Variants in SKAP1 observed in about 807,000 individuals in gnomAD.
SKAP1 encodes src kinase-associated phosphoprotein 1.
Under a neutral mutation model 58.5 loss-of-function variants are expected in SKAP1, and 44 were observed. The observed-to-expected ratio is 0.75, with a 90% confidence interval of 0.59 to 0.97. The LOEUF is 0.97. Among genes scored for constraint, SKAP1 ranks in the 50% least tolerant of loss-of-function variants. The probability of loss-of-function intolerance (pLI) is 0.00; values close to 1 mark genes in which losing one functional copy is unlikely to be tolerated. For synonymous variants in SKAP1, 127 were observed against 149.7 expected, an observed-to-expected ratio of 0.85 and a Z score of 1.11; for missense variants, 390 against 435.2, an observed-to-expected ratio of 0.90 and a Z score of 0.92.
chr17:48,156,409 T>C (rs373600194), intron 11 of SKAP1: 1 of 416,950 alleles, frequency 2.4e-6, no homozygotes, highest in African/African-American at 2.1e-5. Flanking sequence ...CAGGAGCCAT[T>C]GGTTACGTAT....
At chr17:48,164,918 T>C (rs2064115321) in intron 10 of SKAP1, among the ~76,000 whole-genome samples, 6 of 152,252 alleles carry the variant, frequency 3.9e-5, no homozygotes. Flanking sequence ...TATGTGTATG[T>C]GTGCATGCAA....
At chr17:48,160,676 A>G (rs1567799490) in intron 11 of SKAP1, among the ~76,000 whole-genome samples, 1 of 152,184 alleles carries the variant, frequency 6.6e-6, no homozygotes, top group Non-Finnish European at 1.5e-5. Context: ...AATAATCATG[A>G]CAGAGAGAAG....
chr17:48,394,397 A>G (rs2067389750), intron 2 of SKAP1, among the ~76,000 whole-genome samples: 2 of 151,906 alleles, frequency 1.3e-5, no homozygotes, highest in African/African-American at 4.8e-5. Flanking sequence ...GCTGAAGTGC[A>G]ATGTAATGAT....
intron 3 of SKAP1, among the ~76,000 whole-genome samples, chr17:48,352,928 C>T (rs1437307683): frequency 1.3e-5 from 2 of 152,082 alleles, no homozygotes; most frequent in Non-Finnish European, 1.5e-5. Flanking sequence ...AAAGGCAAGG[C>T]ATATTGAATG....
intron 4 of SKAP1, among the ~76,000 whole-genome samples, chr17:48,338,068 CTT>C (rs1005492746): frequency 2.0e-5 from 3 of 151,358 alleles, no homozygotes; most frequent in African/African-American, 7.3e-5. Context: ...TTAGTTCCTT[CTT>C]TCTTTCTTTT....
chr17:48,321,786 A>G (rs746529482), intron 4 of SKAP1, among the ~76,000 whole-genome samples: 2 of 152,184 alleles, frequency 1.3e-5, no homozygotes, highest in Non-Finnish European at 1.5e-5. Flanking sequence ...CATGGCAAGC[A>G]TCTCCTAATC....
chr17:48,198,340 A>C (rs2064671770), intron 4 of SKAP1, among the ~76,000 whole-genome samples: 1 of 151,216 alleles, frequency 6.6e-6, no homozygotes, highest in Admixed American at 6.6e-5. Context: ...CTGTAGTCCC[A>C]GCTACTCGGG....
intron 1 of SKAP1, among the ~76,000 whole-genome samples, chr17:48,415,518 C>T (rs370338930): frequency 1.3e-5 from 2 of 152,170 alleles, no homozygotes; most frequent in South Asian, 4.1e-4. Context: ...GTCCCATCCC[C>T]TAACCCCTCT....
In SKAP1 at chr17:48,170,662, G is replaced by A. The variant is rs368202304; in HGVS notation, c.827-3C>T. On this transcript the variant is annotated splice_region_variant and splice_polypyrimidine_tract_variant and intron_variant, in intron 9 of 12. Coordinates refer to ENST00000336915, the MANE Select transcript of SKAP1 (RefSeq NM_003726.4). The stretch of plus-strand genomic sequence containing the variant: ...CTCTTCTAGATCATGCTCTTCATCT[G>A]GGGGGATAAATGATCAGTATTAGCA... The A allele has an allele frequency of 6.2e-7, 1 of 1,611,794 alleles. No individual in the cohort carries two copies.
intron 4 of SKAP1, among the ~76,000 whole-genome samples, chr17:48,269,791 T>C (rs2065603296): frequency 6.6e-6 from 1 of 152,144 alleles, no homozygotes; most frequent in Admixed American, 6.6e-5. Context: ...AAAGAATTTA[T>C]TTTTTATTAT....
At chr17:48,417,757 A>G (rs939257391) in intron 1 of SKAP1, among the ~76,000 whole-genome samples, 5 of 152,022 alleles carry the variant, frequency 3.3e-5, no homozygotes, top group African/African-American at 9.7e-5. Flanking sequence ...AAAAAAAAAA[A>G]AAAAGAAAAA....
chr17:48,176,219 C>T (rs570060847), intron 9 of SKAP1, among the ~76,000 whole-genome samples: 37 of 152,278 alleles, frequency 2.4e-4, no homozygotes, highest in African/African-American at 8.9e-4. Flanking sequence ...AAAGATGGCT[C>T]GTCATCTCTC....
intron 4 of SKAP1, among the ~76,000 whole-genome samples, chr17:48,321,405 T>C (rs181574875): frequency 2.0e-5 from 3 of 148,970 alleles, no homozygotes; most frequent in African/African-American, 7.4e-5. Flanking sequence ...TAAGATAGAG[T>C]CTCGCTCTGT....
intron 1 of SKAP1, among the ~76,000 whole-genome samples, chr17:48,427,040 G>T (rs896132810): frequency 2.0e-5 from 3 of 151,924 alleles, no homozygotes; most frequent in African/African-American, 7.3e-5. Flanking sequence ...CATGGTCATT[G>T]TCACAATTCA....
intron 11 of SKAP1, among the ~76,000 whole-genome samples, chr17:48,153,043 AC>A (rs2063922608): frequency 7.1e-6 from 1 of 141,100 alleles, no homozygotes; most frequent in African/African-American, 2.6e-5. Flanking sequence ...ACACACACAC[AC>A]ACACATACAT....
the SKAP1 span, among the ~76,000 whole-genome samples, chr17:48,436,077 C>CTT: frequency 8.9e-5 from 13 of 146,744 alleles, no homozygotes; most frequent in African/African-American, 3.2e-4. Flanking sequence ...AATGTCTATT[C>CTT]TTTTTTTTTT....
Position 48,150,618 on chromosome 17 carries a change from A to C in SKAP1, c.978+11851T>G, listed in dbSNP as rs34310441. On this transcript the variant is annotated intron_variant, in intron 11 of 12. Coordinates refer to ENST00000336915, the MANE Select transcript of SKAP1 (RefSeq NM_003726.4). The stretch of plus-strand genomic sequence containing the variant: ...TTCCTATAAATCGGGACCTTGCTGA[A>C]CATAATTCTGCAGACAAGGAGGTGG... Among the ~76,000 whole-genome samples the C allele has an allele frequency of 4.5e-3, 681 of 152,310 alleles. 1 individual carries two copies. The highest frequency in any genetic ancestry group is 7.5e-3 in the Non-Finnish European group (507 of 68,032).
chr17:48,245,774 G>C (rs1365673882), intron 4 of SKAP1, among the ~76,000 whole-genome samples: 1 of 152,098 alleles, frequency 6.6e-6, no homozygotes, highest in Non-Finnish European at 1.5e-5. Context: ...TCAGGAGTTC[G>C]AGACCAGCCT....
At chr17:48,238,773 G>A (rs2065210881) in intron 4 of SKAP1, among the ~76,000 whole-genome samples, 1 of 152,192 alleles carries the variant, frequency 6.6e-6, no homozygotes, top group African/African-American at 2.4e-5. Flanking sequence ...TGGATATGGA[G>A]CTCCATCACA....
Sources: gnomAD v4.1 joint callset for allele counts (sites outside exome capture counted in the v4.1 genomes callset) on GRCh38, gnomAD v4.1.1 for gene constraint, MANE v1.5 for transcripts, NCBI Gene and HGNC (gene_info 2026-07-23, HGNC 2026-07-21) for gene names.